Variants in KIF18B observed in about 807,000 individuals in gnomAD.
KIF18B encodes the protein kinesin-like protein KIF18B.
KIF18B carries 49 observed loss-of-function variants against 80.9 expected under a neutral mutation model. The ratio of observed to expected loss-of-function variants is 0.61; its 90% CI spans 0.48 to 0.77. The LOEUF (loss-of-function observed/expected upper bound fraction) is 0.77. Among genes scored for constraint, KIF18B ranks in the 30% least tolerant of loss-of-function variants. The probability of loss-of-function intolerance (pLI) is 0.00; values close to 1 mark genes in which losing one functional copy is unlikely to be tolerated. For missense variants in KIF18B, 994 were observed against 1,127.7 expected (o/e 0.88, Z 1.70); for synonymous variants, 439 against 463.9 (o/e 0.95, Z 0.69).
chr17:44,927,461 G>A lies in KIF18B; in HGVS notation c.2277-383C>T, dbSNP rs1474842937. Among the ~76,000 whole-genome samples the A allele has an allele frequency of 1.3e-5, 2 of 152,200 alleles. No homozygotes were observed. The highest frequency in any genetic ancestry group is 4.8e-5 in the African/African-American group (2 of 41,462). The stretch of plus-strand genomic sequence containing the variant: ...GCAGGTCAGTCTGCCACTGGTTCTT[G>A]GCCTTGGACTGTCTTGAGCAGGCTG... On this transcript the variant is annotated intron_variant, in intron 13 of 15. Transcript: ENST00000593135. The surrounding 1 kb of genome is among the most constrained non-coding windows in gnomAD (Gnocchi z 4.1).
At chr17:44,931,962 T>A in intron 10 of KIF18B, 94 bp downstream of exon 10, 1 of 1,385,856 alleles carries the variant, frequency 7.2e-7, no homozygotes, top group Non-Finnish European at 9.9e-7. Context: ...GAGACGGGAC[T>A]AAAGGGACTC....
rs374513458 is a variant in KIF18B at position 44,932,674 on chromosome 17, G to T, written c.1237C>A (p.His413Asn). 6.9e-6 allele frequency: 11 copies of T among 1,602,576 alleles called. No homozygotes were observed. The highest frequency in any genetic ancestry group is 1.3e-5 in the African/African-American group (1 of 74,618). The change falls in exon 9 of 16, where the codon CAC becomes AAC. Residue 413 changes from histidine to asparagine, a missense_variant and splice_region_variant. By Grantham distance (68) the His-to-Asn change is moderately conservative. Coordinates refer to ENST00000593135, the MANE Select transcript of KIF18B (RefSeq NM_001265577.2). Reference protein sequence around the residue: ...GSPKSGPPPEHQPCTPELPAG... With the variant: ...GSPKSGPPPENQPCTPELPAG... ...GCGGGAATGGGCAGTGGAACTCACT[G>T]TTCTGGTGGTGGTCCCGACTTGGGA...
chr17:44,931,010 C>A (rs1211747782), intron 11 of KIF18B, among the ~76,000 whole-genome samples: 1 of 152,090 alleles, frequency 6.6e-6, no homozygotes, highest in East Asian at 1.9e-4. Context: ...GAGGGAAGAG[C>A]GGGATGGCAG....
chr17:44,937,866 A>G (rs1254668806), intron 1 of KIF18B, among the ~76,000 whole-genome samples: 1 of 152,124 alleles, frequency 6.6e-6, no homozygotes, highest in Non-Finnish European at 1.5e-5. Context: ...TTTAGACATT[A>G]GTTTTATACA....
rs2052411259 is a variant in KIF18B, at chr17:44,941,338, T to C, written c.-14-4980A>G. ...ATATGGACTGTACCTAATTTTCTTT[T>C]TCTTTTTTTTTTTTTTTTGAGACAG... On this transcript the variant is annotated intron_variant, in intron 1 of 15. Transcript: ENST00000593135. Among the ~76,000 whole-genome samples, 4 of 144,186 alleles carry C rather than the reference T, an allele frequency of 2.8e-5. No homozygotes were observed. The South Asian group carries it at 8.7e-4, about 31-fold the overall frequency. 94.6% of individuals were successfully genotyped at this position (144,186 alleles called of 152,430 possible). A position where few individuals can be genotyped will look rare whatever the true frequency, so the allele number is the denominator to read the frequency against.
At chr17:44,941,662 G>T (rs2052421741) in intron 1 of KIF18B, among the ~76,000 whole-genome samples, 1 of 152,126 alleles carries the variant, frequency 6.6e-6, no homozygotes, top group Non-Finnish European at 1.5e-5. Flanking sequence ...AACAGAGAGG[G>T]TTCCTGTCTC....
chr17:44,943,401 CTT>C (rs1388257116), intron 1 of KIF18B, among the ~76,000 whole-genome samples: 5 of 151,952 alleles, frequency 3.3e-5, no homozygotes, highest in African/African-American at 4.8e-5. Flanking sequence ...CGCCTGGCCT[CTT>C]TTGTTTTTTT....
Position 44,932,104 on chromosome 17 carries a change from T to C in KIF18B, c.1341A>G (p.Ser447=), listed in dbSNP as rs772827212. 5.6e-6 allele frequency: 9 copies of C among 1,613,750 alleles called. No individual in the cohort carries two copies. Among genetic ancestry groups the C allele is most frequent in the African/African-American group, 2.7e-5 (2 of 74,914 alleles). ...QVERAMEGNS[S]DQEQSPEDED... The stretch of plus-strand genomic sequence containing the variant: ...CATCCTCTGGGGACTGCTCCTGGTC[T>C]GAAGAGTTCCCTTCCATGGCCCTCT... The change falls in exon 10 of 16, where the codon TCA becomes TCG. Residue 447 remains serine (S), a synonymous_variant. Transcript: ENST00000593135.
intron 1 of KIF18B, among the ~76,000 whole-genome samples, chr17:44,947,278 A>G (rs977995487): frequency 2.0e-5 from 3 of 152,050 alleles, no homozygotes; most frequent in Non-Finnish European, 4.4e-5. Flanking sequence ...GAAGAGCCCA[A>G]TTCTTCCTCA....
At position 44,926,123 on chromosome 17, in the gene KIF18B, C is replaced by A; in HGVS notation, c.2516G>T (p.Gly839Val). The A allele has an allele frequency of 1.9e-6, 3 of 1,613,880 alleles. No homozygotes were observed. The highest frequency in any genetic ancestry group is 2.5e-6 in the Non-Finnish European group (3 of 1,179,868). The change falls in exon 16 of 16, where the codon GGG (glycine) becomes GTG (valine). Residue 839 changes from glycine to valine, a missense_variant. Transcript: ENST00000593135. Reference protein sequence around the residue: ...RRNGKDLIRVGRALSAGNGVT... With the variant: ...RRNGKDLIRVVRALSAGNGVT... The stretch of plus-strand genomic sequence containing the variant: ...GCCGTTCCCTGCTGAGAGTGCTCTC[C>A]CCACCCTGATGAGGTCCTTTCCATT...
chr17:44,928,487 G>T lies in KIF18B; in HGVS notation c.1815C>A (p.His605Gln). 1 of 1,516,578 alleles carries T rather than the reference G, an allele frequency of 6.6e-7. No individual in the cohort carries two copies. 93.9% of individuals were successfully genotyped at this position (1,516,578 alleles called of 1,614,324 possible). A position where few individuals can be genotyped will look rare whatever the true frequency, so the allele number is the denominator to read the frequency against. Residue 605 changes from histidine (H) to glutamine (Q), a missense_variant, in exon 13 of 16, where the codon CAC (histidine) becomes CAA (glutamine). Coordinates refer to ENST00000593135, the MANE Select transcript of KIF18B (RefSeq NM_001265577.2). ...TGGGTCCAGGCGGGATTCCCAGGGT[G>T]TGCAGGGGGCCACTCAGTCGCCTCG... ...TMARRLSGPL[H>Q]TLGIPPGPNC...
intron 1 of KIF18B, among the ~76,000 whole-genome samples, chr17:44,943,517 C>T: frequency 6.6e-6 from 1 of 151,974 alleles, no homozygotes; most frequent in South Asian, 2.1e-4. Context: ...CTGGTTAGGA[C>T]CTCCAGCACA....
In KIF18B at chr17:44,928,403, G is replaced by A. The variant is rs763624751; in HGVS notation, c.1899C>T (p.Ser633=). 1.2e-5 allele frequency: 18 copies of A among 1,555,908 alleles called. No individual in the cohort carries two copies. Among genetic ancestry groups the A allele is most frequent in the East Asian group, 4.8e-5 (2 of 42,042 alleles). The change falls in exon 13 of 16, where the codon AGC becomes AGT. Residue 633 remains serine (S), a synonymous_variant. Transcript: ENST00000593135. ...CCATGGGACTGTCTGCCTCCAAGGC[G>A]CTTGGTCTCCTCCTCTTCTTCTCCA... is the stretch of plus-strand genomic sequence containing the variant. ...WPMEKKRRRP[S]ALEADSPMAP...
At chr17:44,939,363 T>C (rs1017710804) in intron 1 of KIF18B, among the ~76,000 whole-genome samples, 1 of 61,532 alleles carries the variant, frequency 1.6e-5, no homozygotes, top group African/African-American at 7.6e-5. Context: ...AGAGACTCCA[T>C]CTCAAAAAAA....
rs1191190877 is a variant in KIF18B at position 44,933,107 on chromosome 17, T to C, written c.1063-121A>G. ...CGTCCCCATGACCCACCCTCGCAAGTGGGGAGACACAGCAGAGAAGGTCAG... is the reference window on the plus strand; with the variant it reads ...CGTCCCCATGACCCACCCTCGCAAGCGGGGAGACACAGCAGAGAAGGTCAG... On this transcript the variant is annotated intron_variant, in intron 7 of 15. Coordinates refer to ENST00000593135, the MANE Select transcript of KIF18B (RefSeq NM_001265577.2). The C allele has an allele frequency of 6.1e-6, 5 of 815,860 alleles. No homozygotes were observed. In the African/African-American group the frequency reaches 8.5e-5, roughly 14 times the overall value. 50.5% of individuals were successfully genotyped at this position (815,860 alleles called of 1,614,324 possible). A position where few individuals can be genotyped will look rare whatever the true frequency, so the allele number is the denominator to read the frequency against.
In KIF18B at chr17:44,932,994, G is replaced by A; in HGVS notation, c.1063-8C>T. The A allele has an allele frequency of 6.2e-7, 1 of 1,603,558 alleles. No individual in the cohort carries two copies. The highest frequency in any genetic ancestry group is 8.5e-7 in the Non-Finnish European group (1 of 1,171,842). On this transcript the variant is annotated splice_polypyrimidine_tract_variant and splice_region_variant and intron_variant, in intron 7 of 15. Transcript: ENST00000593135. ...GGTCACATTGCTCTTCAGCTGAGAT[G>A]GGGAACAGGAGAGAGATTTATTTGT...
intron 11 of KIF18B, 64 bp from the exon 12 acceptor site, chr17:44,929,088 C>A: frequency 2.9e-6 from 4 of 1,399,326 alleles, no homozygotes; most frequent in Non-Finnish European, 4.0e-6. Context: ...AGCCTCTATG[C>A]CATGCACCTG....
chr17:44,932,713 C>A lies in KIF18B; in HGVS notation c.1198G>T (p.Asp400Tyr), dbSNP rs778984765. The change falls in exon 9 of 16, where the codon GAC (aspartate) becomes TAC (tyrosine). Residue 400 changes from aspartate (D) to tyrosine (Y), a missense_variant. Physicochemically the swap from Asp to Tyr is radical, Grantham distance 160 (BLOSUM62 -3). Coordinates refer to ENST00000593135, the MANE Select transcript of KIF18B (RefSeq NM_001265577.2). ...CCCGACTTGGGAGATCCTGGGAGGTCCTGTGGTGGGGGCTGGCCTCCCCCC... is the reference window on the plus strand; with the variant it reads ...CCCGACTTGGGAGATCCTGGGAGGTACTGTGGTGGGGGCTGGCCTCCCCCC... ...YEGGGQPPPQ[D>Y]LPGSPKSGPP... The A allele has an allele frequency of 3.7e-6, 6 of 1,612,802 alleles. No individual in the cohort carries two copies. In the East Asian group the frequency reaches 1.3e-4, roughly 36 times the overall value.
chr17:44,935,755 A>G (rs1357782501), intron 2 of KIF18B, among the ~76,000 whole-genome samples: 1 of 152,128 alleles, frequency 6.6e-6, no homozygotes, highest in East Asian at 1.9e-4. Flanking sequence ...GTGATCTGTG[A>G]GTGGTGTCTT....
Sources: allele counts gnomAD v4.1 joint callset (sites outside exome capture counted in the v4.1 genomes callset), GRCh38; gene constraint gnomAD v4.1.1; non-coding constraint Gnocchi (gnomAD v3.1); transcripts MANE v1.5; gene names NCBI Gene and HGNC (gene_info 2026-07-23, HGNC 2026-07-21).